Variants in CACNB2 observed in about 807,000 individuals in gnomAD.
CACNB2 encodes the protein calcium voltage-gated channel auxiliary subunit beta 2.
A neutral mutation model predicts 73.3 loss-of-function variants in CACNB2; 42 were observed. The ratio of observed to expected loss-of-function variants is 0.57; its 90% CI spans 0.45 to 0.74. The LOEUF (loss-of-function observed/expected upper bound fraction) is 0.74. CACNB2 is among the 30% of genes least tolerant of loss of function. The pLI, the probability that CACNB2 is intolerant of heterozygous loss-of-function variation, is 0.00. For synonymous variants in CACNB2, 348 were observed against 310.3 expected (o/e 1.12, Z -1.28); for missense variants, 940 against 853.0 (o/e 1.10, Z -1.27).
rs1242346938 is a variant in CACNB2 at position 18,219,584 on chromosome 10, C to G, written c.213+68609C>G. On this transcript the variant is annotated intron_variant, in intron 2 of 13. Transcript: ENST00000324631. ...AGAGGAACATATTAGTAATTTCCAT[C>G]TGGCTCTGTACATGACTTGTAGATT... Among the ~76,000 whole-genome samples, 7 of 152,170 alleles carry G rather than the reference C, an allele frequency of 4.6e-5. No individual in the cohort carries two copies. In the South Asian group the frequency reaches 6.2e-4, roughly 14 times the overall value.
At chr10:18,444,262 C>T (rs1458566477) in intron 3 of CACNB2, among the ~76,000 whole-genome samples, 1 of 152,074 alleles carries the variant, frequency 6.6e-6, no homozygotes, top group African/African-American at 2.4e-5. Context: ...TCATCCTTTC[C>T]ACCAGGAGAG....
rs137919341 is a variant in CACNB2 at position 18,266,583 on chromosome 10, C to T, written c.213+115608C>T. Among the ~76,000 whole-genome samples the T allele has an allele frequency of 4.3e-3, 654 of 151,798 alleles. 1 individual carries two copies. The highest frequency in any genetic ancestry group is 7.4e-3 in the Non-Finnish European group (506 of 67,976). On this transcript the variant is annotated intron_variant, in intron 2 of 13. Coordinates refer to ENST00000324631, the MANE Select transcript of CACNB2 (RefSeq NM_201596.3). ...TTTTTACAAGTGATCAGAATTGTCC[C>T]GACAGTTAAAATAAGTGTGAGCGGG...
At chr10:18,409,780 C>T (rs1289452304) in intron 3 of CACNB2, among the ~76,000 whole-genome samples, 1 of 152,152 alleles carries the variant, frequency 6.6e-6, no homozygotes, top group African/African-American at 2.4e-5. Context: ...CCCCAGTCTC[C>T]TGTCTTGCTC....
At chr10:18,429,664 CA>C (rs1265429356) in intron 3 of CACNB2, among the ~76,000 whole-genome samples, 13 of 62,922 alleles carry the variant, frequency 2.1e-4, no homozygotes, top group Admixed American at 5.5e-4. Flanking sequence ...CCGTCTCTAC[CA>C]AAAAAAAAAA....
chr10:18,482,191 C>G (rs1022194298), intron 3 of CACNB2, among the ~76,000 whole-genome samples: 4 of 152,136 alleles, frequency 2.6e-5, no homozygotes, highest in Non-Finnish European at 5.9e-5. Context: ...CACCTTATCT[C>G]TTATTGGTTT....
Position 18,294,425 on chromosome 10 carries a change from A to G in CACNB2, c.214-107499A>G, listed in dbSNP as rs537208425. On this transcript the variant is annotated intron_variant, in intron 2 of 13. Transcript: ENST00000324631. The stretch of plus-strand genomic sequence containing the variant: ...CAAATGTTCACAGAGTGCCTCTTCT[A>G]TGATCCTCTAGGTACCGAGGACGCA... 1.9e-3 allele frequency among the ~76,000 whole-genome samples: 287 copies of G among 152,352 alleles called. 2 individuals carry two copies. The highest frequency in any genetic ancestry group is 6.6e-3 in the African/African-American group (276 of 41,584).
chr10:18,457,183 T>C (rs546223265), intron 3 of CACNB2, among the ~76,000 whole-genome samples: 56 of 152,292 alleles, frequency 3.7e-4, no homozygotes, highest in Non-Finnish European at 6.9e-4. Context: ...CTCAACCTCC[T>C]GGGGCTGCGT....
intron 2 of CACNB2, among the ~76,000 whole-genome samples, chr10:18,160,942 T>G (rs767658364): frequency 2.0e-5 from 3 of 152,358 alleles, no homozygotes; most frequent in South Asian, 4.1e-4. Flanking sequence ...AATTTTTGTC[T>G]CATCTTTAGT....
chr10:18,141,028 C>T, intron 1 of CACNB2, 172 bp downstream of exon 1: 1 of 1,540,514 alleles, frequency 6.5e-7, no homozygotes, highest in Non-Finnish European at 8.7e-7. Flanking sequence ...CCCTTTGCGC[C>T]TTTTCCTGGC....
chr10:18,200,390 T>C (rs934838540), intron 2 of CACNB2, among the ~76,000 whole-genome samples: 1 of 152,076 alleles, frequency 6.6e-6, no homozygotes, highest in African/African-American at 2.4e-5. Context: ...TAATCTTTGG[T>C]ATATCTTATG....
chr10:18,480,556 G>A (rs1195218398), intron 3 of CACNB2, among the ~76,000 whole-genome samples: 1 of 152,198 alleles, frequency 6.6e-6, no homozygotes, highest in African/African-American at 2.4e-5. Flanking sequence ...TGCCAAGAAA[G>A]TATCCTGAGC....
At chr10:18,203,537 C>T (rs1223056501) in intron 2 of CACNB2, among the ~76,000 whole-genome samples, 1 of 150,246 alleles carries the variant, frequency 6.7e-6, no homozygotes, top group East Asian at 1.9e-4. Context: ...CAATGAGTAC[C>T]TTCAAAAAAA....
intron 3 of CACNB2, among the ~76,000 whole-genome samples, chr10:18,450,626 CT>C (rs34566433): frequency 0.085 from 11,175 of 130,742 alleles, 380 homozygotes; most frequent in African/African-American, 0.15. Flanking sequence ...GCTTTTTTTT[CT>C]TTTTTTTTTT....
At chr10:18,224,682 C>T (rs559756556) in intron 2 of CACNB2, among the ~76,000 whole-genome samples, 1 of 152,282 alleles carries the variant, frequency 6.6e-6, no homozygotes, top group East Asian at 1.9e-4. Flanking sequence ...GAACAGAAGG[C>T]CTACGTCCCA....
At chr10:18,468,982 T>C (rs2048040999) in intron 3 of CACNB2, among the ~76,000 whole-genome samples, 1 of 152,220 alleles carries the variant, frequency 6.6e-6, no homozygotes, top group South Asian at 2.1e-4. Flanking sequence ...CTGGCACTGG[T>C]TGCTATGAAG....
At chr10:18,175,358 T>A (rs984354384) in intron 2 of CACNB2, among the ~76,000 whole-genome samples, 11 of 152,204 alleles carry the variant, frequency 7.2e-5, no homozygotes, top group African/African-American at 2.2e-4. Flanking sequence ...GCTGGCCACC[T>A]TTTTGCTACT....
At chr10:18,290,751 C>G (rs894777172) in intron 2 of CACNB2, among the ~76,000 whole-genome samples, 2 of 152,218 alleles carry the variant, frequency 1.3e-5, no homozygotes, top group Admixed American at 1.3e-4. Flanking sequence ...TCTAATCACA[C>G]GGTGTTGCTT....
chr10:18,307,632 C>T (rs1038801708), intron 2 of CACNB2, among the ~76,000 whole-genome samples: 3 of 151,966 alleles, frequency 2.0e-5, no homozygotes, highest in African/African-American at 4.8e-5. Context: ...GAGACATGTC[C>T]AATAAATATT....
chr10:18,199,220 G>T (rs1394407574), intron 2 of CACNB2, among the ~76,000 whole-genome samples: 2 of 152,140 alleles, frequency 1.3e-5, no homozygotes, highest in African/African-American at 2.4e-5. Flanking sequence ...CTATGCACAG[G>T]CATGGTTCAA....
Sources: gnomAD v4.1 joint callset for allele counts (sites outside exome capture counted in the v4.1 genomes callset) on GRCh38, gnomAD v4.1.1 for gene constraint, MANE v1.5 for transcripts, NCBI Gene and HGNC (gene_info 2026-07-23, HGNC 2026-07-21) for gene names.